Variants in SCLT1 observed in about 807,000 individuals in gnomAD.
The protein encoded by SCLT1 is sodium channel-associated protein 1.
In SCLT1, 78 loss-of-function variants were observed where a neutral mutation model predicts 112.8. The observed-to-expected ratio is 0.69, with a 90% CI of 0.58 to 0.83. The LOEUF (loss-of-function observed/expected upper bound fraction) is 0.83. SCLT1 is among the 40% of genes least tolerant of loss of function. The pLI, the probability that SCLT1 is intolerant of heterozygous loss-of-function variation, is 0.00. For synonymous variants in SCLT1, 257 were observed against 254.7 expected (o/e 1.01, Z -0.09); for missense variants, 747 against 770.4 (o/e 0.97, Z 0.36).
At chr4:129,086,065 T>G (rs187257510) in intron 1 of SCLT1, among the ~76,000 whole-genome samples, 1 of 151,174 alleles carries the variant, frequency 6.6e-6, no homozygotes, top group African/African-American at 2.4e-5. Flanking sequence ...TACAAACCTC[T>G]TTTTTTTTCC....
chr4:128,996,127 C>T (rs560149434), intron 8 of SCLT1, among the ~76,000 whole-genome samples: 8 of 152,130 alleles, frequency 5.3e-5, no homozygotes, highest in South Asian at 2.1e-4. Flanking sequence ...TCACATGGCA[C>T]GGCACTGGGG....
chr4:129,034,074 T>C (rs1746975253), intron 5 of SCLT1, among the ~76,000 whole-genome samples: 1 of 152,140 alleles, frequency 6.6e-6, no homozygotes, highest in Non-Finnish European at 1.5e-5. Flanking sequence ...CACTCAAGAA[T>C]AGATAGAACA....
intron 18 of SCLT1, among the ~76,000 whole-genome samples, chr4:128,894,384 ACACACACACACACACAC>A (rs1733573636): frequency 1.1e-5 from 1 of 87,288 alleles, no homozygotes; most frequent in African/African-American, 7.4e-5. Flanking sequence ...ACACACACAC[ACACACACACACACACAC>A]ACACACACAC....
chr4:128,965,643 A>G (rs534635360), intron 10 of SCLT1, among the ~76,000 whole-genome samples: 102 of 152,166 alleles, frequency 6.7e-4, no homozygotes, highest in Non-Finnish European at 1.3e-3. Flanking sequence ...CCTTTAGAAT[A>G]TGCTCTCTTA....
chr4:128,979,420 T>C (rs1195621349), intron 9 of SCLT1, among the ~76,000 whole-genome samples: 1 of 152,192 alleles, frequency 6.6e-6, no homozygotes, highest in African/African-American at 2.4e-5. Flanking sequence ...GGTTTGTTTG[T>C]CCCTTTTACT....
At chr4:128,974,149 T>C (rs896893914) in intron 9 of SCLT1, among the ~76,000 whole-genome samples, 2 of 152,172 alleles carry the variant, frequency 1.3e-5, no homozygotes, top group East Asian at 1.9e-4. Context: ...GTTTATACAA[T>C]GCAGCTACCA....
At chr4:129,021,281 A>G (rs1745447831) in intron 5 of SCLT1, among the ~76,000 whole-genome samples, 1 of 152,122 alleles carries the variant, frequency 6.6e-6, no homozygotes. Context: ...CTGAGTTTCA[A>G]GCACAAAACT....
intron 5 of SCLT1, among the ~76,000 whole-genome samples, chr4:129,021,582 G>T (rs530226049): frequency 1.4e-3 from 217 of 152,302 alleles, no homozygotes; most frequent in African/African-American, 5.0e-3. Flanking sequence ...TCTGGGCTGG[G>T]CGTGGCAAAG....
At chr4:128,902,168 G>A (rs1216555931) in intron 18 of SCLT1, among the ~76,000 whole-genome samples, 2 of 152,152 alleles carry the variant, frequency 1.3e-5, no homozygotes, top group African/African-American at 4.8e-5. Context: ...GCTTCCCAAA[G>A]TGCTGGGATT....
intron 4 of SCLT1, chr4:128,874,562 T>TA (rs1238897528): frequency 6.6e-6 from 1 of 152,538 alleles, no homozygotes; most frequent in East Asian, 1.9e-4. Flanking sequence ...CCACACTTTT[T>TA]ATTCCTGCTT....
At chr4:128,898,695 G>A (rs1347109062) in intron 18 of SCLT1, among the ~76,000 whole-genome samples, 2 of 152,182 alleles carry the variant, frequency 1.3e-5, no homozygotes, top group Admixed American at 6.5e-5. Flanking sequence ...GAAGGAAATA[G>A]AGACACAAAA....
intron 18 of SCLT1, among the ~76,000 whole-genome samples, chr4:128,902,825 A>G (rs1734423096): frequency 6.6e-6 from 1 of 152,222 alleles, no homozygotes; most frequent in South Asian, 2.1e-4. Context: ...CAGCTGTACA[A>G]AAATATTTTT....
chr4:128,940,453 T>C (rs570926425), intron 17 of SCLT1, among the ~76,000 whole-genome samples: 14 of 152,160 alleles, frequency 9.2e-5, no homozygotes, highest in African/African-American at 3.4e-4. Flanking sequence ...ATTCTAAAAT[T>C]GTTATTACAG....
At position 128,884,234 on chromosome 4, in the gene SCLT1, A is replaced by G; in HGVS notation, c.*243T>C. ...AATTAAAAAACAGACACATTGATGA[A>G]GGCAATGAGTTCTTCTCAGCTGGTT... On this transcript the variant is annotated 3_prime_UTR_variant, in exon 21 of 21. Transcript: ENST00000281142. 2.9e-6 allele frequency: 1 copy of G among 350,164 alleles called. No individual in the cohort carries two copies. The highest frequency in any genetic ancestry group is 5.1e-6 in the Non-Finnish European group (1 of 196,238). 21.7% of individuals were successfully genotyped at this position (350,164 alleles called of 1,614,324 possible).
At chr4:129,031,596 T>C (rs1317286708) in intron 5 of SCLT1, among the ~76,000 whole-genome samples, 1 of 152,172 alleles carries the variant, frequency 6.6e-6, no homozygotes, top group East Asian at 1.9e-4. Context: ...CTTAAGCTGA[T>C]AAGCAACTTC....
At chr4:128,901,598 C>T (rs970805199) in intron 18 of SCLT1, among the ~76,000 whole-genome samples, 5 of 151,594 alleles carry the variant, frequency 3.3e-5, no homozygotes, top group African/African-American at 9.7e-5. Flanking sequence ...GTGCAGCACA[C>T]CAACATGGCA....
rs180859691 is a variant in SCLT1, at chr4:129,048,059, C to A, written c.103-4008G>T. ...AGGTCTTCTCCATAAAACCTTTACC[C>A]AGAAAAATGTACTGAAACATTTATG... On this transcript the variant is annotated intron_variant, in intron 2 of 20. Coordinates refer to ENST00000281142, the MANE Select transcript of SCLT1 (RefSeq NM_144643.4). Among the ~76,000 whole-genome samples, 242 of 152,192 alleles carry A rather than the reference C, an allele frequency of 1.6e-3. 1 individual carries two copies. Among genetic ancestry groups the A allele is most frequent in the Middle Eastern group, 6.8e-3 (2 of 294 alleles).
rs1237971322 is a variant in SCLT1, at chr4:128,960,755, C to T, written c.870-978G>A. The stretch of plus-strand genomic sequence containing the variant: ...CTAACAAGGTGAAACCCCGTCTCTA[C>T]TAAAAATACAAAAAATTAGCCGGGC... On this transcript the variant is annotated intron_variant, in intron 11 of 20. Coordinates refer to ENST00000281142, the MANE Select transcript of SCLT1 (RefSeq NM_144643.4). Among the ~76,000 whole-genome samples the T allele has an allele frequency of 6.0e-5, 9 of 150,322 alleles. 1 individual carries two copies. In the South Asian group the frequency reaches 1.9e-3, roughly 32 times the overall value.
At chr4:129,060,326 TG>T (rs1447992420) in intron 2 of SCLT1, among the ~76,000 whole-genome samples, 2 of 152,206 alleles carry the variant, frequency 1.3e-5, no homozygotes, top group South Asian at 4.1e-4. Flanking sequence ...GGAAATTCAT[TG>T]ATTTCCTTTT....
Sources: gnomAD v4.1 joint callset for allele counts (sites outside exome capture counted in the v4.1 genomes callset) on GRCh38, gnomAD v4.1.1 for gene constraint, MANE v1.5 for transcripts, NCBI Gene and HGNC (gene_info 2026-07-23, HGNC 2026-07-21) for gene names.